CABP1: variants seen among roughly 807,000 people sequenced by gnomAD.
CABP1 encodes calcium-binding protein 1.
CABP1 carries 17 observed loss-of-function variants against 34.3 expected under a neutral mutation model. The observed-to-expected ratio is 0.50, with a 90% CI of 0.34 to 0.74. CABP1 has a LOEUF of 0.74. Among genes scored for constraint, CABP1 ranks in the 30% least tolerant of loss-of-function variants. The pLI is 0.01. For synonymous variants in CABP1, 198 were observed against 229.2 expected, an observed-to-expected ratio of 0.86 and a Z score of 1.23; for missense variants, 373 against 511.1, an observed-to-expected ratio of 0.73 and a Z score of 2.61.
chr12:120,656,028 G>C (rs1467627037), intron 1 of CABP1: 1 of 1,609,732 alleles, frequency 6.2e-7, no homozygotes. Context: ...CCGGGACCAG[G>C]AGCCAGGCTG....
At chr12:120,666,041 G>A (rs1470850936) in intron 5 of CABP1, among the ~76,000 whole-genome samples, 4 of 149,594 alleles carry the variant, frequency 2.7e-5, no homozygotes, top group African/African-American at 9.8e-5. Context: ...AGAAAAGAGA[G>A]AGAGAGAAGG....
chr12:120,674,996 G>A, the CABP1 span, among the ~76,000 whole-genome samples: 1 of 151,820 alleles, frequency 6.6e-6, no homozygotes, highest in Admixed American at 6.6e-5. Flanking sequence ...ACATGTATAG[G>A]ATGTATGTGT....
chr12:120,667,662 T>C (rs1881090216), downstream of CABP1, among the ~76,000 whole-genome samples: 2 of 152,144 alleles, frequency 1.3e-5, no homozygotes, highest in Non-Finnish European at 2.9e-5. Flanking sequence ...CTAATTTTTG[T>C]ATTTTTAGTA....
the CABP1 span, among the ~76,000 whole-genome samples, chr12:120,680,509 C>T: frequency 3.9e-5 from 6 of 152,294 alleles, no homozygotes; most frequent in South Asian, 4.1e-4. Context: ...GGAATGCAGC[C>T]GCCCCAAGTG....
chr12:120,673,416 C>A, the CABP1 span, among the ~76,000 whole-genome samples: 1 of 152,024 alleles, frequency 6.6e-6, no homozygotes, highest in Admixed American at 6.6e-5. Flanking sequence ...AACCCCGTCT[C>A]TACTAAAAAT....
At chr12:120,663,840 C>T (rs970797853) in intron 5 of CABP1, among the ~76,000 whole-genome samples, 1 of 152,192 alleles carries the variant, frequency 6.6e-6, no homozygotes, top group Non-Finnish European at 1.5e-5. Context: ...CAGCAGAATG[C>T]AGTCTTGTGC....
chr12:120,641,475 G>A lies in CABP1; in HGVS notation c.654+136G>A. 1 of 1,003,928 alleles carries A rather than the reference G, an allele frequency of 1.0e-6. No individual in the cohort carries two copies. Among genetic ancestry groups the A allele is most frequent in the East Asian group, 3.3e-5 (1 of 30,366 alleles). 62.2% of individuals were successfully genotyped at this position (1,003,928 alleles called of 1,614,324 possible). A position where few individuals can be genotyped will look rare whatever the true frequency, so the allele number is the denominator to read the frequency against. ...CGCCTCGGCTCACCTCGTCCTCCCC[G>A]GGCCGGCGCCCTTGCCGGCACTCCT... On this transcript the variant is annotated intron_variant, in intron 1 of 5. Coordinates refer to ENST00000316803, the MANE Select transcript of CABP1 (RefSeq NM_001033677.2). This position sits in a 1 kb window ranked among gnomAD's most constrained non-coding sequence, Gnocchi z 6.7.
chr12:120,661,257 A>G lies in CABP1; in HGVS notation c.1087+39A>G. On this transcript the variant is annotated intron_variant, in intron 5 of 5. Transcript: ENST00000316803. This position sits in a 1 kb window ranked among gnomAD's most constrained non-coding sequence, Gnocchi z 5.1. ...GAAAGTGGGAGAGAAGCAAGCCAGCAGTGGCCATCCATGGAGCCCTCCAAT... is the reference window on the plus strand; with the variant it reads ...GAAAGTGGGAGAGAAGCAAGCCAGCGGTGGCCATCCATGGAGCCCTCCAAT... 1.9e-6 allele frequency: 3 copies of G among 1,590,412 alleles called. No homozygotes were observed. The highest frequency in any genetic ancestry group is 2.6e-6 in the Non-Finnish European group (3 of 1,174,866).
In CABP1 at chr12:120,641,540, G is replaced by A. The variant is rs1258892712; in HGVS notation, c.654+201G>A. On this transcript the variant is annotated intron_variant, in intron 1 of 5. Transcript: ENST00000316803. The surrounding 1 kb of genome is among the most constrained non-coding windows in gnomAD (Gnocchi z 6.7). ...ATTCAGCACCCCGTGCGCTGTCCACGCTCCGGGCCTCTTGGGGCAAGGCCC... is the reference window on the plus strand; with the variant it reads ...ATTCAGCACCCCGTGCGCTGTCCACACTCCGGGCCTCTTGGGGCAAGGCCC... The A allele has an allele frequency of 8.3e-6, 4 of 479,156 alleles. No homozygotes were observed. Among genetic ancestry groups the A allele is most frequent in the African/African-American group, 4.0e-5 (2 of 49,844 alleles). The allele number at this position is 479,156 out of a possible 1,614,324, so 29.7% of individuals were successfully genotyped here.
chr12:120,660,231 A>G lies in CABP1; in HGVS notation c.721A>G (p.Lys241Glu). 6.2e-7 allele frequency: 1 copy of G among 1,614,180 alleles called. No individual in the cohort carries two copies. Among genetic ancestry groups the G allele is most frequent in the Non-Finnish European group, 8.5e-7 (1 of 1,180,030 alleles). Residue 241 changes from lysine (K) to glutamate (E), a missense_variant, in exon 3 of 6, where the codon AAG becomes GAG. Physicochemically the swap from Lys to Glu is moderately conservative, Grantham distance 56 (BLOSUM62 1). This residue lies in a region of CABP1 where 109 missense variants were observed against 204.8 expected (regional missense o/e 0.53). Transcript: ENST00000316803. The surrounding 1 kb of genome is among the most constrained non-coding windows in gnomAD (Gnocchi z 5.0). The part of the protein sequence containing the change: ...REAFREFDKD[K>E]DGYINCRDLG... Reference sequence around the variant, plus strand: ...GGCCTTCAGAGAATTCGACAAGGACAAGGATGGCTACATCAACTGCCGGGA... The same window carrying G: ...GGCCTTCAGAGAATTCGACAAGGACGAGGATGGCTACATCAACTGCCGGGA...
Position 120,647,560 on chromosome 12 carries a change from C to CTTT in CABP1, c.654+6244_654+6246dup, listed in dbSNP as rs10557275. 4.0e-3 allele frequency among the ~76,000 whole-genome samples: 299 copies of CTTT among 75,650 alleles called. 1 individual carries two copies. The highest frequency in any genetic ancestry group is 4.5e-3 in the African/African-American group (70 of 15,682). The allele number at this position is 75,650 out of a possible 152,430, so 49.6% of individuals were successfully genotyped here. The stretch of plus-strand genomic sequence containing the variant: ...GTCAGCGTGACTCCTCAGTCCAAGC[C>CTTT]TTTTTTTTTTTTTTTTTTTTTTTTT... On this transcript the variant is annotated intron_variant, in intron 1 of 5. Coordinates refer to ENST00000316803, the MANE Select transcript of CABP1 (RefSeq NM_001033677.2).
intron 1 of CABP1, chr12:120,659,494 GT>G (rs11396469): frequency 5.2e-3 from 839 of 162,002 alleles, no homozygotes; most frequent in Middle Eastern, 0.017. Flanking sequence ...TTCTTTTTTT[GT>G]TTTTTTTTTT....
intron 1 of CABP1, among the ~76,000 whole-genome samples, chr12:120,642,638 C>T (rs902917326): frequency 2.6e-5 from 4 of 151,846 alleles, no homozygotes; most frequent in Non-Finnish European, 5.9e-5. Context: ...GTTAGTGAGG[C>T]GATGTGTCAG....
At chr12:120,677,379 T>C in the CABP1 span, among the ~76,000 whole-genome samples, 2 of 147,728 alleles carry the variant, frequency 1.4e-5, no homozygotes, top group South Asian at 2.1e-4. Context: ...TGAGCCACTA[T>C]GCCCAGCCTT....
intron 1 of CABP1, chr12:120,659,306 C>T (rs1880468064): frequency 6.5e-6 from 1 of 153,114 alleles, no homozygotes; most frequent in African/African-American, 2.4e-5. Context: ...CTCCTACCCT[C>T]GCTTCAGGAT....
the CABP1 span, among the ~76,000 whole-genome samples, chr12:120,676,672 C>T: frequency 1.3e-5 from 2 of 152,190 alleles, no homozygotes; most frequent in African/African-American, 4.8e-5. Context: ...GGTGATCCGC[C>T]TGCCTCAGCC....
Position 120,661,198 on chromosome 12 carries a change from AT to A in CABP1, c.1068del (p.Asp356GlufsTer12). 2 of 1,609,116 alleles carry A rather than the reference AT, an allele frequency of 1.2e-6. No homozygotes were observed. Among genetic ancestry groups the A allele is most frequent in the Non-Finnish European group, 1.7e-6 (2 of 1,179,660 alleles). ...EIIRDVDLNGDGRVDFEEFVR... is the reference protein window; with the variant it reads ...EIIRDVDLNGXGRVDFEEFVR... ...ATCCGAGATGTGGACCTCAATGGGG[AT>A]GGACGAGTGGACTTTGAAGGTAGGT... On this transcript the variant is annotated frameshift_variant, in exon 5 of 6. Coordinates refer to ENST00000316803, the MANE Select transcript of CABP1 (RefSeq NM_001033677.2). LOFTEE classifies it high-confidence loss of function. The surrounding 1 kb of genome is among the most constrained non-coding windows in gnomAD (Gnocchi z 5.1).
chr12:120,655,436 A>G (rs747349647), intron 1 of CABP1: 4 of 680,974 alleles, frequency 5.9e-6, no homozygotes, highest in Non-Finnish European at 7.4e-6. Context: ...GCCACACACG[A>G]AAAAGGAGGG....
At chr12:120,650,839 T>G (rs952786189) in intron 1 of CABP1, among the ~76,000 whole-genome samples, 9 of 152,204 alleles carry the variant, frequency 5.9e-5, no homozygotes, top group Admixed American at 5.9e-4. Flanking sequence ...AACACCCTCC[T>G]ATTGCCGTTT....
Sources: allele counts gnomAD v4.1 joint callset (sites outside exome capture counted in the v4.1 genomes callset), GRCh38; gene constraint gnomAD v4.1.1; regional missense constraint gnomAD v4.1.1; non-coding constraint Gnocchi (gnomAD v3.1); transcripts MANE v1.5; gene names NCBI Gene and HGNC (gene_info 2026-07-23, HGNC 2026-07-21).